OSTF1: variants seen among roughly 807,000 people sequenced by gnomAD.
OSTF1 encodes the protein osteoclast-stimulating factor 1.
OSTF1 carries 27 observed loss-of-function variants against 37.2 expected under a neutral mutation model. The ratio of observed to expected loss-of-function variants is 0.73; its 90% CI spans 0.54 to 1.00. OSTF1 has a LOEUF of 1.00. Among genes scored for constraint, OSTF1 ranks in the 50% least tolerant of loss-of-function variants. OSTF1 has a pLI of 0.00. For synonymous variants in OSTF1, 82 were observed against 89.2 expected (o/e 0.92, Z 0.46); for missense variants, 232 against 253.8 (o/e 0.91, Z 0.58).
At chr9:75,101,511 T>A (rs566193148) in intron 1 of OSTF1, among the ~76,000 whole-genome samples, 35 of 152,268 alleles carry the variant, frequency 2.3e-4, no homozygotes, top group African/African-American at 8.2e-4. Flanking sequence ...CTGTTAGAAT[T>A]TGAGATATGG....
At chr9:75,092,478 C>T (rs1467183311) in intron 1 of OSTF1, among the ~76,000 whole-genome samples, 1 of 152,170 alleles carries the variant, frequency 6.6e-6, no homozygotes, top group East Asian at 1.9e-4. Flanking sequence ...ACGTATGTAT[C>T]TACAGATATT....
At position 75,130,651 on chromosome 9, in the gene OSTF1, G is replaced by A. The variant is rs778518892; in HGVS notation, c.196+10G>A. 1 of 1,598,578 alleles carries A rather than the reference G, an allele frequency of 6.3e-7. No homozygotes were observed. The highest frequency in any genetic ancestry group is 8.6e-7 in the Non-Finnish European group (1 of 1,165,974). On this transcript the variant is annotated intron_variant, in intron 4 of 9. Coordinates refer to ENST00000346234, the MANE Select transcript of OSTF1 (RefSeq NM_012383.5). ...ATTCCAAGCAACTATGGTAAGTGTT[G>A]CTGAGTGGTTTTACTTTAGCTTCGT...
At chr9:75,090,750 ATTG>A (rs1824958021) in intron 1 of OSTF1, among the ~76,000 whole-genome samples, 1 of 151,882 alleles carries the variant, frequency 6.6e-6, no homozygotes, top group African/African-American at 2.4e-5. Flanking sequence ...AGGTGGGAGG[ATTG>A]CTTGAGGCTA....
At position 75,147,002 on chromosome 9, in the gene OSTF1, G is replaced by C; in HGVS notation, c.*261G>C. 1.1e-5 allele frequency: 1 copy of C among 88,936 alleles called. No homozygotes were observed. Among genetic ancestry groups the C allele is most frequent in the Non-Finnish European group, 2.0e-5 (1 of 51,146 alleles). 5.5% of individuals were successfully genotyped at this position (88,936 alleles called of 1,614,324 possible). On this transcript the variant is annotated 3_prime_UTR_variant, in exon 10 of 10. Coordinates refer to ENST00000346234, the MANE Select transcript of OSTF1 (RefSeq NM_012383.5). ...ATTTATCAAGCAAAAGGAATTTTAA[G>C]ATTTTTTTTTTTCTTTAAAAACAAA...
chr9:75,121,916 C>G (rs942324985), intron 2 of OSTF1, among the ~76,000 whole-genome samples: 3 of 152,180 alleles, frequency 2.0e-5, no homozygotes, highest in Non-Finnish European at 2.9e-5. Flanking sequence ...TCCTGTTCCC[C>G]CTCAGGAGAT....
chr9:75,101,963 AT>A (rs1825201004), intron 1 of OSTF1, among the ~76,000 whole-genome samples: 2 of 151,990 alleles, frequency 1.3e-5, no homozygotes, highest in South Asian at 4.1e-4. Context: ...ATTTAAAAAA[AT>A]TTTTAAATTA....
intron 1 of OSTF1, among the ~76,000 whole-genome samples, chr9:75,109,577 A>G (rs573213371): frequency 6.6e-6 from 1 of 152,318 alleles, no homozygotes; most frequent in African/African-American, 2.4e-5. Flanking sequence ...TAGTTTCTCA[A>G]TCTACTAATA....
At chr9:75,102,576 T>C (rs1825212630) in intron 1 of OSTF1, among the ~76,000 whole-genome samples, 1 of 152,174 alleles carries the variant, frequency 6.6e-6, no homozygotes, top group Non-Finnish European at 1.5e-5. Flanking sequence ...TTTGAAAACC[T>C]CTAGCATCCG....
intron 7 of OSTF1, among the ~76,000 whole-genome samples, chr9:75,136,635 G>A (rs928163284): frequency 9.9e-5 from 15 of 152,086 alleles, no homozygotes; most frequent in Admixed American, 4.6e-4. Flanking sequence ...CAGGTGATCC[G>A]CTCTCCTCGG....
chr9:75,097,024 C>T (rs73546356), intron 1 of OSTF1, among the ~76,000 whole-genome samples: 16,376 of 152,208 alleles, frequency 0.11, 1,677 homozygotes, highest in African/African-American at 0.27. Flanking sequence ...TTATCTGATG[C>T]TAGCCCTGCG....
At chr9:75,105,482 T>C (rs1825267895) in intron 1 of OSTF1, among the ~76,000 whole-genome samples, 6 of 152,250 alleles carry the variant, frequency 3.9e-5, no homozygotes, top group Admixed American at 3.9e-4. Flanking sequence ...TCAGATCATT[T>C]TCATGTATCT....
intron 7 of OSTF1, among the ~76,000 whole-genome samples, chr9:75,137,054 C>T (rs892706566): frequency 5.3e-5 from 8 of 152,146 alleles, no homozygotes; most frequent in South Asian, 4.1e-4. Context: ...TGGAAACTAT[C>T]AGGTTAATTT....
At chr9:75,128,552 CATATAT>C (rs58960713) in intron 3 of OSTF1, among the ~76,000 whole-genome samples, 2 of 2,878 alleles carry the variant, frequency 6.9e-4, no homozygotes, top group Non-Finnish European at 1.7e-3. Context: ...ATATTTTGTC[CATATAT>C]ATATATATAT....
chr9:75,120,790 C>T (rs144610828), intron 2 of OSTF1, among the ~76,000 whole-genome samples: 115 of 152,310 alleles, frequency 7.6e-4, no homozygotes, highest in African/African-American at 2.2e-3. Context: ...ATTCCAGCCC[C>T]GCTGTGCTCT....
intron 4 of OSTF1, 136 bp from the exon 5 acceptor site, chr9:75,131,634 T>C (rs1825761895): frequency 1.6e-6 from 1 of 644,790 alleles, no homozygotes; most frequent in Admixed American, 2.6e-5. Context: ...TTACTTTTTA[T>C]CCACATTAAG....
chr9:75,125,298 A>G (rs1825644707), intron 2 of OSTF1, among the ~76,000 whole-genome samples: 2 of 152,268 alleles, frequency 1.3e-5, no homozygotes, highest in East Asian at 1.9e-4. Flanking sequence ...GGAGTGATCC[A>G]GTTTGTTTCA....
intron 9 of OSTF1, among the ~76,000 whole-genome samples, chr9:75,144,297 T>C (rs1825987354): frequency 1.3e-5 from 2 of 152,160 alleles, no homozygotes; most frequent in South Asian, 4.1e-4. Flanking sequence ...GGCTCACACC[T>C]GTAATCCCAG....
intron 1 of OSTF1, among the ~76,000 whole-genome samples, chr9:75,097,239 A>G (rs1322888277): frequency 6.6e-6 from 1 of 152,202 alleles, no homozygotes; most frequent in Non-Finnish European, 1.5e-5. Context: ...ACTGCTCACT[A>G]GAACCTGGGC....
intron 1 of OSTF1, among the ~76,000 whole-genome samples, chr9:75,105,039 T>C (rs1825260037): frequency 6.6e-6 from 1 of 152,226 alleles, no homozygotes; most frequent in African/African-American, 2.4e-5. Flanking sequence ...CCATGGTAAG[T>C]GTCCCATAAA....
Sources: gnomAD v4.1 joint callset for allele counts (sites outside exome capture counted in the v4.1 genomes callset) on GRCh38, gnomAD v4.1.1 for gene constraint, MANE v1.5 for transcripts, NCBI Gene and HGNC (gene_info 2026-07-23, HGNC 2026-07-21) for gene names.